The following IQSEC1 variants were observed in gnomAD, a reference collection of about 807,000 sequenced individuals.
IQSEC1 encodes the protein IQ motif and Sec7 domain ArfGEF 1, also known as IQ motif and SEC7 domain-containing protein 1.
In IQSEC1, 31 loss-of-function variants were observed where a neutral mutation model predicts 91.0. The ratio of observed to expected loss-of-function variants is 0.34; its 90% confidence interval spans 0.26 to 0.46. The LOEUF is 0.46. Among genes scored for constraint, IQSEC1 ranks in the 20% least tolerant of loss-of-function variants. IQSEC1 has a pLI of 1.00. For missense variants in IQSEC1, 1,388 were observed against 1,575.6 expected (o/e 0.88, Z 2.02); for synonymous variants, 699 against 662.6 (o/e 1.05, Z -0.84).
rs1045354953 is a variant in IQSEC1, at chr3:12,967,675, G to A, written c.24-25810C>T. 3.4e-6 allele frequency: 4 copies of A among 1,167,674 alleles called. No individual in the cohort carries two copies. The highest frequency in any genetic ancestry group is 4.0e-5 in the East Asian group (1 of 25,064). The allele number at this position is 1,167,674 out of a possible 1,614,324, so 72.3% of individuals were successfully genotyped here. A position where few individuals can be genotyped will look rare whatever the true frequency, so the allele number is the denominator to read the frequency against. The stretch of plus-strand genomic sequence containing the variant: ...CCAGGCCAGCCAAGCCCGCCCCTCC[G>A]CCGCCGCCCGCTTGGCGCAGCGCGA... On this transcript the variant is annotated intron_variant, in intron 1 of 13. Transcript: ENST00000613206. This position sits in a 1 kb window ranked among gnomAD's most constrained non-coding sequence, Gnocchi z 5.9.
intron 1 of IQSEC1, among the ~76,000 whole-genome samples, chr3:12,956,691 G>A (rs561967435): frequency 1.7e-3 from 255 of 152,356 alleles, no homozygotes; most frequent in African/African-American, 5.8e-3. Flanking sequence ...GTCCACCTGT[G>A]AGAATGCCAA....
intron 1 of IQSEC1, among the ~76,000 whole-genome samples, chr3:13,236,872 G>A (rs1042454700): frequency 5.3e-5 from 8 of 152,198 alleles, no homozygotes; most frequent in African/African-American, 1.9e-4. Flanking sequence ...ACTTTGGGAA[G>A]GGGTGTTTTT....
chr3:12,994,844 C>A lies in IQSEC1; in HGVS notation c.24-52979G>T, dbSNP rs1702162034. On this transcript the variant is annotated intron_variant, in intron 1 of 13. Coordinates refer to ENST00000613206, the MANE Select transcript of IQSEC1 (RefSeq NM_001134382.3). This position sits in a 1 kb window ranked among gnomAD's most constrained non-coding sequence, Gnocchi z 4.5. ...GCTGGGACGGGCCCTGGTGGCCTGG[C>A]GACTGTTACAGAGAATGGGGTGGGC... Among the ~76,000 whole-genome samples, 1 of 152,224 alleles carries A rather than the reference C, an allele frequency of 6.6e-6. No homozygotes were observed. The highest frequency in any genetic ancestry group is 1.5e-5 in the Non-Finnish European group (1 of 68,034).
intron 1 of IQSEC1, among the ~76,000 whole-genome samples, chr3:13,265,177 C>A (rs182423488): frequency 9.2e-5 from 14 of 152,348 alleles, no homozygotes; most frequent in African/African-American, 3.4e-4. Context: ...GGCAACCTCA[C>A]TGGCCCAAAG....
intron 1 of IQSEC1, among the ~76,000 whole-genome samples, chr3:13,018,039 A>G (rs1441410949): frequency 6.6e-6 from 1 of 152,208 alleles, no homozygotes; most frequent in African/African-American, 2.4e-5. Flanking sequence ...GCTGGGGAGC[A>G]GATGGGTTGT....
At chr3:13,266,304 C>T (rs1232833610) in intron 1 of IQSEC1, among the ~76,000 whole-genome samples, 1 of 152,222 alleles carries the variant, frequency 6.6e-6, no homozygotes, top group East Asian at 1.9e-4. Context: ...CCCTTGGACT[C>T]CATGTGGCAT....
At position 12,985,018 on chromosome 3, in the gene IQSEC1, G is replaced by A. The variant is rs571586973; in HGVS notation, c.24-43153C>T. Among the ~76,000 whole-genome samples, 618 of 151,922 alleles carry A rather than the reference G, an allele frequency of 4.1e-3. 3 individuals are homozygous for A. Among genetic ancestry groups the A allele is most frequent in the African/African-American group, 0.014 (585 of 41,440 alleles). ...TTTTTGTATTTTTAGTAGAGACAGG[G>A]TTTCACCGTGTTAGCCAGGATGGTC... On this transcript the variant is annotated intron_variant, in intron 1 of 13. Transcript: ENST00000613206.
rs771164485 is a variant in IQSEC1 at position 12,924,656 on chromosome 3, C to T, written c.1655G>A (p.Arg552His). The T allele has an allele frequency of 7.5e-6, 12 of 1,610,702 alleles. No homozygotes were observed. Among genetic ancestry groups the T allele is most frequent in the Admixed American group, 1.7e-5 (1 of 59,602 alleles). The change falls in exon 4 of 14, where the codon CGC becomes CAC. Residue 552 changes from arginine (R) to histidine (H), a missense_variant. Physicochemically the swap from Arg to His is conservative, Grantham distance 29 (BLOSUM62 0). Transcript: ENST00000613206. This position sits in a 1 kb window ranked among gnomAD's most constrained non-coding sequence, Gnocchi z 6.3. Reference protein sequence around the residue: ...PVGVAHFLLQRKGLSRQMIGE... With the variant: ...PVGVAHFLLQHKGLSRQMIGE... ...GATCATCTGCCGGCTGAGGCCCTTGCGCTGCAGCAGGAAGTGGGCCACCCC... is the reference window on the plus strand; with the variant it reads ...GATCATCTGCCGGCTGAGGCCCTTGTGCTGCAGCAGGAAGTGGGCCACCCC...
rs540592178 is a variant in IQSEC1 at position 13,221,210 on chromosome 3, G to A, written c.273-57077C>T. 6.6e-5 allele frequency among the ~76,000 whole-genome samples: 10 copies of A among 152,314 alleles called. No individual in the cohort carries two copies. In the South Asian group the frequency reaches 1.0e-3, roughly 16 times the overall value. The stretch of plus-strand genomic sequence containing the variant: ...CTATTCCAGGCCCCGCCCTGGTCAC[G>A]GTGGGGTGCCTGGGTGGTGCCCAGA... On this transcript the variant is annotated intron_variant, in intron 1 of 15. Coordinates refer to the IQSEC1 transcript ENST00000648114.
chr3:13,068,994 A>G (rs1403845416), intron 1 of IQSEC1, among the ~76,000 whole-genome samples: 1 of 152,218 alleles, frequency 6.6e-6, no homozygotes, highest in Non-Finnish European at 1.5e-5. Flanking sequence ...AGCTGAAGGC[A>G]GGGAAGTGAA....
At chr3:12,902,347 A>G (rs774789894) in intron 13 of IQSEC1, among the ~76,000 whole-genome samples, 2 of 152,122 alleles carry the variant, frequency 1.3e-5, no homozygotes, top group Non-Finnish European at 1.5e-5. Context: ...CGTGGAAGTC[A>G]AGGGTTCAGC....
rs1309930125 is a variant in IQSEC1, at chr3:12,901,376, G to A, written c.2952C>T (p.Ala984=). Residue 984 remains alanine (A), a synonymous_variant, in exon 14 of 14, where the codon GCC becomes GCT. Coordinates refer to ENST00000613206, the MANE Select transcript of IQSEC1 (RefSeq NM_001134382.3). ...GSKRGKPPPQ[A]HLPSAPALPP... ...GCAGGGCTGGGGCTGAGGGCAGGTGGGCCTGGGGAGGGGGCTTCCCTCTCT... is the reference window on the plus strand; with the variant it reads ...GCAGGGCTGGGGCTGAGGGCAGGTGAGCCTGGGGAGGGGGCTTCCCTCTCT... 25 of 1,539,742 alleles carry A rather than the reference G, an allele frequency of 1.6e-5. No individual in the cohort carries two copies. Among genetic ancestry groups the A allele is most frequent in the Non-Finnish European group, 2.2e-5 (25 of 1,143,574 alleles).
intron 2 of IQSEC1, among the ~76,000 whole-genome samples, chr3:13,090,757 A>G (rs1705845174): frequency 1.3e-5 from 2 of 152,098 alleles, no homozygotes; most frequent in African/African-American, 4.8e-5. Flanking sequence ...GGGCCTGAGG[A>G]GGCACACTAA....
chr3:13,104,440 T>G (rs1706111807), intron 2 of IQSEC1, among the ~76,000 whole-genome samples: 1 of 152,162 alleles, frequency 6.6e-6, no homozygotes, highest in Non-Finnish European at 1.5e-5. Flanking sequence ...TTCTGGGCTC[T>G]CTGTAGTCTA....
chr3:13,227,362 C>T (rs1406719282), intron 1 of IQSEC1, among the ~76,000 whole-genome samples: 26 of 104,884 alleles, frequency 2.5e-4, no homozygotes, highest in African/African-American at 9.7e-4. Flanking sequence ...GGCGACAAAG[C>T]GGGACTCTGT....
intron 1 of IQSEC1, among the ~76,000 whole-genome samples, chr3:13,206,188 C>CCCATCCACCCCT (rs1694341736): frequency 6.6e-6 from 1 of 151,440 alleles, no homozygotes; most frequent in African/African-American, 2.4e-5. Context: ...CCTCCATCCA[C>CCCATCCACCCCT]CCATCCACCC....
At chr3:13,107,807 G>T (rs571024245) in intron 2 of IQSEC1, among the ~76,000 whole-genome samples, 2 of 152,154 alleles carry the variant, frequency 1.3e-5, no homozygotes, top group Non-Finnish European at 2.9e-5. Flanking sequence ...ACGGTGATGC[G>T]GTCCTTGCTT....
At chr3:13,253,308 T>A in intron 1 of IQSEC1, among the ~76,000 whole-genome samples, 1 of 152,270 alleles carries the variant, frequency 6.6e-6, no homozygotes, top group African/African-American at 2.4e-5. Context: ...AGAGCCGGGA[T>A]CTGAACTCAG....
intron 1 of IQSEC1, among the ~76,000 whole-genome samples, chr3:12,962,775 T>C (rs1006946824): frequency 6.6e-6 from 1 of 152,230 alleles, no homozygotes; most frequent in Non-Finnish European, 1.5e-5. Context: ...TGTCCCAGAA[T>C]CCTGCCGGAG....
Sources: gnomAD v4.1 joint callset for allele counts (sites outside exome capture counted in the v4.1 genomes callset) on GRCh38, gnomAD v4.1.1 for gene constraint, Gnocchi (gnomAD v3.1) non-coding constraint, MANE v1.5 for transcripts, NCBI Gene and HGNC (gene_info 2026-07-23, HGNC 2026-07-21) for gene names.